Variants in ITSN1 observed in about 807,000 individuals in gnomAD.
ITSN1 encodes intersectin-1.
Under a neutral mutation model 239.8 loss-of-function variants are expected in ITSN1, and 58 were observed. The observed-to-expected ratio is 0.24, with a 90% CI of 0.20 to 0.30. The LOEUF is 0.30. Ranked by LOEUF, ITSN1 falls within the 10% of genes least tolerant of loss-of-function variation. ITSN1 has a pLI of 1.00. For missense variants in ITSN1, 1,558 were observed against 2,103.3 expected (o/e 0.74, Z 5.07); for synonymous variants, 780 against 770.8 (o/e 1.01, Z -0.20).
intron 1 of ITSN1, among the ~76,000 whole-genome samples, chr21:33,674,668 A>C (rs2090490713): frequency 6.6e-6 from 1 of 152,206 alleles, no homozygotes; most frequent in Admixed American, 6.5e-5. Context: ...ATACTGTTTG[A>C]TAGTTGCAGT....
At chr21:33,713,756 G>A (rs1649323048) in intron 1 of ITSN1, among the ~76,000 whole-genome samples, 1 of 150,362 alleles carries the variant, frequency 6.7e-6, no homozygotes, top group African/African-American at 2.4e-5. Context: ...GAGCCAAGGA[G>A]AACCTCGCTG....
chr21:33,723,123 T>C (rs1399185597), intron 4 of ITSN1, among the ~76,000 whole-genome samples: 3 of 152,216 alleles, frequency 2.0e-5, no homozygotes, highest in Non-Finnish European at 4.4e-5. Flanking sequence ...AAATAGGCAT[T>C]CAATCTTTTA....
intron 1 of ITSN1, among the ~76,000 whole-genome samples, chr21:33,683,047 A>T (rs1227985515): frequency 6.6e-6 from 1 of 152,108 alleles, no homozygotes; most frequent in Admixed American, 6.6e-5. Flanking sequence ...TACTTAACCA[A>T]ACACTCTCTT....
chr21:33,804,417 T>C (rs1479531800), intron 20 of ITSN1, among the ~76,000 whole-genome samples: 2 of 152,200 alleles, frequency 1.3e-5, no homozygotes, highest in African/African-American at 4.8e-5. Flanking sequence ...TTAAAATCTT[T>C]TTAGAAAAAT....
rs149185261 is a variant in ITSN1, at chr21:33,828,670, C to T, written c.3230-954C>T. Among the ~76,000 whole-genome samples the T allele has an allele frequency of 1.1e-3, 170 of 152,076 alleles. 1 individual carries two copies. Among genetic ancestry groups the T allele is most frequent in the South Asian group, 3.7e-3 (18 of 4,808 alleles). On this transcript the variant is annotated intron_variant, in intron 26 of 39. Transcript: ENST00000381318. Reference sequence around the variant, plus strand: ...TCCTTCTTTCCTTCTTTTCTCCTTTCGTTCACAAACCACACTTGGAGAGCA... The same window carrying T: ...TCCTTCTTTCCTTCTTTTCTCCTTTTGTTCACAAACCACACTTGGAGAGCA...
At chr21:33,646,902 C>G (rs1466485642) in intron 1 of ITSN1, among the ~76,000 whole-genome samples, 3 of 151,970 alleles carry the variant, frequency 2.0e-5, no homozygotes, top group Admixed American at 2.0e-4. Flanking sequence ...GGGAGAATCA[C>G]TTGAACCCAG....
chr21:33,769,314 C>T (rs950910365), intron 11 of ITSN1, among the ~76,000 whole-genome samples: 10 of 152,098 alleles, frequency 6.6e-5, no homozygotes, highest in South Asian at 4.2e-4. Flanking sequence ...CTTCAACAGC[C>T]GTTTATTATA....
intron 4 of ITSN1, among the ~76,000 whole-genome samples, chr21:33,723,307 A>C (rs994873375): frequency 6.6e-6 from 1 of 152,182 alleles, no homozygotes; most frequent in African/African-American, 2.4e-5. Context: ...ATACGAAGGC[A>C]GCTCGCTATG....
intron 29 of ITSN1, among the ~76,000 whole-genome samples, chr21:33,845,939 A>G (rs906045443): frequency 6.6e-6 from 1 of 152,214 alleles, no homozygotes; most frequent in Non-Finnish European, 1.5e-5. Context: ...TCGTGGGCCC[A>G]CGTCAGCAGG....
At chr21:33,675,806 T>G (rs2090555669) in intron 1 of ITSN1, among the ~76,000 whole-genome samples, 1 of 152,220 alleles carries the variant, frequency 6.6e-6, no homozygotes. Context: ...AAATTTCTTT[T>G]GAATTTCTGC....
intron 34 of ITSN1, among the ~76,000 whole-genome samples, chr21:33,875,775 G>A (rs554186030): frequency 3.2e-4 from 48 of 152,246 alleles, no homozygotes; most frequent in African/African-American, 8.2e-4. Flanking sequence ...CCGCCTCCCC[G>A]GTTCCAGTGA....
intron 1 of ITSN1, among the ~76,000 whole-genome samples, chr21:33,653,215 G>A (rs1340852709): frequency 2.0e-5 from 3 of 152,022 alleles, no homozygotes; most frequent in South Asian, 2.1e-4. Flanking sequence ...GGCTGATCTC[G>A]AACTCCTCAC....
chr21:33,783,911 A>AG (rs1188709401), intron 16 of ITSN1, among the ~76,000 whole-genome samples: 2 of 152,174 alleles, frequency 1.3e-5, no homozygotes, highest in Non-Finnish European at 2.9e-5. Context: ...AATGTCTAGA[A>AG]GATTAAATAA....
intron 9 of ITSN1, among the ~76,000 whole-genome samples, chr21:33,764,183 T>C (rs1471329813): frequency 6.6e-6 from 1 of 152,246 alleles, no homozygotes; most frequent in Non-Finnish European, 1.5e-5. Context: ...TTATTTTAAA[T>C]TTCTCATTTA....
intron 36 of ITSN1, 84 bp from the exon 37 acceptor site, chr21:33,884,957 G>T (rs749465609): frequency 1.5e-5 from 14 of 919,396 alleles, no homozygotes; most frequent in Non-Finnish European, 2.3e-5. Context: ...CAAAGAAACA[G>T]AGTCCTGGCA....
intron 29 of ITSN1, among the ~76,000 whole-genome samples, chr21:33,841,971 G>A (rs1452679738): frequency 6.7e-6 from 1 of 149,780 alleles, no homozygotes. Context: ...GGTTCACCCA[G>A]GTTGGAGTAC....
At chr21:33,820,439 C>T (rs571400076) in intron 24 of ITSN1, among the ~76,000 whole-genome samples, 87 of 152,292 alleles carry the variant, frequency 5.7e-4, no homozygotes, top group African/African-American at 2.0e-3. Context: ...TCCTTGAATA[C>T]ATTACAGGAG....
chr21:33,798,642 A>G (rs1193746853), intron 18 of ITSN1, among the ~76,000 whole-genome samples: 1 of 152,148 alleles, frequency 6.6e-6, no homozygotes, highest in East Asian at 1.9e-4. Context: ...TTGGTCATCC[A>G]TGTGCTTCTT....
chr21:33,724,978 A>C (rs2065731996), intron 4 of ITSN1, among the ~76,000 whole-genome samples: 2 of 151,446 alleles, frequency 1.3e-5, no homozygotes, highest in Non-Finnish European at 2.9e-5. Context: ...AATTGAAAAA[A>C]GTGACATTTG....
Sources: gnomAD v4.1 joint callset for allele counts (sites outside exome capture counted in the v4.1 genomes callset) on GRCh38, gnomAD v4.1.1 for gene constraint, MANE v1.5 for transcripts, NCBI Gene and HGNC (gene_info 2026-07-23, HGNC 2026-07-21) for gene names.